PRR16: variants seen among roughly 807,000 people sequenced by gnomAD.
PRR16 encodes the protein proline rich 16, also known as protein Largen.
PRR16 carries 6 observed loss-of-function variants against 18.2 expected under a neutral mutation model. That is an observed-to-expected ratio of 0.33 (90% confidence interval 0.18 to 0.65). The LOEUF (loss-of-function observed/expected upper bound fraction) is 0.65. Among genes scored for constraint, PRR16 ranks in the 30% least tolerant of loss-of-function variants. PRR16 has a pLI of 0.74. For missense variants in PRR16, 412 were observed against 376.6 expected (o/e 1.09, Z -0.78); for synonymous variants, 151 against 147.8 (o/e 1.02, Z -0.16).
chr5:120,501,723 G>C (rs1016458641), intron 1 of PRR16, among the ~76,000 whole-genome samples: 4 of 152,022 alleles, frequency 2.6e-5, no homozygotes, highest in African/African-American at 9.7e-5. Context: ...TTGGGAGGCT[G>C]AGGCGGGCAG....
rs142107868 is a variant in PRR16, at chr5:120,472,082, G to C, written c.159+7437G>C. ...TTTCTACTTTGCAAATGCTGCTTCA[G>C]ATTGGTGTTTGAGATAAATGTTTAC... On this transcript the variant is annotated intron_variant, in intron 1 of 1. Coordinates refer to ENST00000407149, the MANE Select transcript of PRR16 (RefSeq NM_001300783.2). 6.3e-3 allele frequency among the ~76,000 whole-genome samples: 955 copies of C among 152,184 alleles called. 48 individuals carry two copies. Among genetic ancestry groups the C allele is most frequent in the Admixed American group, 0.058 (884 of 15,262 alleles).
the PRR16 span, among the ~76,000 whole-genome samples, chr5:120,726,488 A>G: frequency 6.6e-6 from 1 of 151,990 alleles, no homozygotes; most frequent in Non-Finnish European, 1.5e-5. Context: ...ACAAATTTCA[A>G]ACTGTTCTCT....
At chr5:120,759,979 G>T in the PRR16 span, among the ~76,000 whole-genome samples, 6 of 152,108 alleles carry the variant, frequency 3.9e-5, no homozygotes, top group African/African-American at 1.2e-4. Context: ...TCTGAAGGGG[G>T]TGTGTGTAAA....
At chr5:120,706,449 C>T in the PRR16 span, among the ~76,000 whole-genome samples, 2 of 152,154 alleles carry the variant, frequency 1.3e-5, no homozygotes, top group African/African-American at 4.8e-5. Context: ...TACGCTCCTT[C>T]AGCCTGTTTC....
chr5:120,585,453 T>C (rs1257618989), intron 1 of PRR16, among the ~76,000 whole-genome samples: 6 of 151,800 alleles, frequency 4.0e-5, no homozygotes, highest in Non-Finnish European at 8.8e-5. Context: ...CTACTAAAAA[T>C]ATAAAAATTA....
chr5:120,773,209 C>A, the PRR16 span, among the ~76,000 whole-genome samples: 49 of 152,036 alleles, frequency 3.2e-4, no homozygotes, highest in African/African-American at 1.1e-3. Context: ...TAGGTTCCCA[C>A]ATGAATAAGA....
At chr5:120,589,584 G>C (rs1044786440) in intron 1 of PRR16, among the ~76,000 whole-genome samples, 1 of 152,080 alleles carries the variant, frequency 6.6e-6, no homozygotes, top group Non-Finnish European at 1.5e-5. Flanking sequence ...GTTCCAAATG[G>C]CTGGGGAGGC....
chr5:120,465,440 A>G (rs936190438), intron 1 of PRR16, among the ~76,000 whole-genome samples: 1 of 152,090 alleles, frequency 6.6e-6, no homozygotes, highest in Non-Finnish European at 1.5e-5. Context: ...TGCAGCTGGG[A>G]CTGCTTCGGT....
chr5:120,680,900 T>C (rs975718300), intron 1 of PRR16, among the ~76,000 whole-genome samples: 1 of 152,204 alleles, frequency 6.6e-6, no homozygotes, highest in Non-Finnish European at 1.5e-5. Flanking sequence ...GAACATAAAC[T>C]CTAAATTATG....
the PRR16 span, among the ~76,000 whole-genome samples, chr5:120,784,717 C>T: frequency 6.6e-6 from 1 of 152,160 alleles, no homozygotes; most frequent in South Asian, 2.1e-4. Flanking sequence ...CTCTTTGAAA[C>T]TTTTTTCCCA....
intron 1 of PRR16, among the ~76,000 whole-genome samples, chr5:120,615,062 T>A (rs968894963): frequency 3.8e-5 from 5 of 131,836 alleles, no homozygotes; most frequent in Non-Finnish European, 6.7e-5. Context: ...GAAAAAAAAA[T>A]AGCAAACATT....
the PRR16 span, among the ~76,000 whole-genome samples, chr5:120,734,327 C>T: frequency 6.6e-6 from 1 of 151,264 alleles, no homozygotes; most frequent in Non-Finnish European, 1.5e-5. Context: ...TCACACTCCT[C>T]TCTCTCTCTC....
the PRR16 span, among the ~76,000 whole-genome samples, chr5:120,755,540 T>C: frequency 6.6e-5 from 10 of 152,132 alleles, no homozygotes; most frequent in Non-Finnish European, 1.0e-4. Context: ...GCTGTGTCCA[T>C]GTTACTGCAA....
intron 1 of PRR16, among the ~76,000 whole-genome samples, chr5:120,649,756 C>G (rs1447272638): frequency 1.3e-5 from 2 of 151,814 alleles, no homozygotes; most frequent in South Asian, 2.1e-4. Flanking sequence ...GTCTTATTTC[C>G]CACTAGACTT....
intron 1 of PRR16, among the ~76,000 whole-genome samples, chr5:120,465,115 T>C (rs761177383): frequency 6.6e-6 from 1 of 152,050 alleles, no homozygotes; most frequent in African/African-American, 2.4e-5. Flanking sequence ...CTGGGCCAGA[T>C]CAGGGAGGGC....
the PRR16 span, among the ~76,000 whole-genome samples, chr5:120,697,183 A>G: frequency 1.3e-5 from 2 of 152,210 alleles, no homozygotes; most frequent in Non-Finnish European, 2.9e-5. Flanking sequence ...GGGATTTCTG[A>G]GAGACAGGTC....
At chr5:120,479,515 G>A (rs1749544122) in intron 1 of PRR16, among the ~76,000 whole-genome samples, 1 of 151,960 alleles carries the variant, frequency 6.6e-6, no homozygotes, top group Non-Finnish European at 1.5e-5. Flanking sequence ...AAGCTAATGA[G>A]ATCATTTTGC....
chr5:120,601,007 T>A (rs1187833223), intron 1 of PRR16, among the ~76,000 whole-genome samples: 2 of 152,112 alleles, frequency 1.3e-5, no homozygotes, highest in Admixed American at 6.6e-5. Context: ...ATGACTTTTC[T>A]ATTGTGAATA....
chr5:120,480,067 T>G (rs1188922353), intron 1 of PRR16, among the ~76,000 whole-genome samples: 4 of 152,180 alleles, frequency 2.6e-5, no homozygotes, highest in East Asian at 1.9e-4. Flanking sequence ...ACTGAAACCT[T>G]ATTCATAACA....
Sources: allele counts gnomAD v4.1 joint callset (sites outside exome capture counted in the v4.1 genomes callset), GRCh38; gene constraint gnomAD v4.1.1; transcripts MANE v1.5; gene names NCBI Gene and HGNC (gene_info 2026-07-23, HGNC 2026-07-21).